Variants in LIPA observed in about 807,000 individuals in gnomAD.
LIPA encodes the protein lipase A, lysosomal acid type.
A neutral mutation model predicts 40.6 loss-of-function variants in LIPA; 26 were observed. That is an observed-to-expected ratio of 0.64 (90% CI 0.47 to 0.89). LIPA has a LOEUF of 0.89. Among genes scored for constraint, LIPA ranks in the 40% least tolerant of loss-of-function variants. The pLI, the probability that LIPA is intolerant of heterozygous loss-of-function variation, is 0.00. For missense variants in LIPA, 455 were observed against 479.6 expected, an observed-to-expected ratio of 0.95 and a Z score of 0.48; for synonymous variants, 188 against 168.4, an observed-to-expected ratio of 1.12 and a Z score of -0.90.
At chr10:89,373,332 C>A in intron 2 of LIPA, among the ~76,000 whole-genome samples, 1 of 92,942 alleles carries the variant, frequency 1.1e-5, no homozygotes. Flanking sequence ...GAGACTCCCT[C>A]TCAAAAAAAA....
At chr10:89,267,771 A>G (rs1385174641) in intron 1 of LIPA, among the ~76,000 whole-genome samples, 2 of 150,906 alleles carry the variant, frequency 1.3e-5, no homozygotes, top group Admixed American at 6.6e-5. Flanking sequence ...AAAGAAAGAA[A>G]TAATTACTCT....
At chr10:89,386,099 GCA>G (rs1449284207) in intron 2 of LIPA, among the ~76,000 whole-genome samples, 1 of 152,166 alleles carries the variant, frequency 6.6e-6, no homozygotes, top group Non-Finnish European at 1.5e-5. Flanking sequence ...CTATTTACAA[GCA>G]CAGTCATAGC....
At chr10:89,378,092 C>T in intron 2 of LIPA, 7 of 1,612,334 alleles carry the variant, frequency 4.3e-6, no homozygotes, top group South Asian at 1.1e-5. Flanking sequence ...AGCCTCCAAG[C>T]CTGAACCAAA....
chr10:89,237,481 AAAGGACGTTTATTAGT>A (rs1323748118), intron 3 of LIPA, among the ~76,000 whole-genome samples: 2 of 152,106 alleles, frequency 1.3e-5, no homozygotes, highest in African/African-American at 4.8e-5. Context: ...TATATCCCAC[AAAGGACGTTTATTAGT>A]AAGGAAGAGA....
intron 2 of LIPA, among the ~76,000 whole-genome samples, chr10:89,407,360 T>C (rs11203111): frequency 0.036 from 5,476 of 152,288 alleles, 147 homozygotes; most frequent in South Asian, 0.13. Context: ...CTGGTGCTTT[T>C]CTAGTTTCCC....
chr10:89,385,913 A>G (rs546185024), intron 2 of LIPA, among the ~76,000 whole-genome samples: 5 of 152,382 alleles, frequency 3.3e-5, no homozygotes, highest in Non-Finnish European at 5.9e-5. Context: ...ATATTCAAAA[A>G]CAAGTGTATT....
intron 1 of LIPA, among the ~76,000 whole-genome samples, chr10:89,271,479 T>A (rs1843265434): frequency 6.6e-6 from 1 of 152,198 alleles, no homozygotes; most frequent in Non-Finnish European, 1.5e-5. Context: ...AAAAAGGTGA[T>A]TATTGTTCTG....
intron 1 of LIPA, among the ~76,000 whole-genome samples, chr10:89,272,750 C>T (rs1843271914): frequency 6.6e-6 from 1 of 152,188 alleles, no homozygotes; most frequent in African/African-American, 2.4e-5. Context: ...ACAACCTCGC[C>T]AGCATCTATT....
intron 1 of LIPA, among the ~76,000 whole-genome samples, chr10:89,272,989 C>T (rs1843273394): frequency 6.6e-6 from 1 of 152,022 alleles, no homozygotes; most frequent in African/African-American, 2.4e-5. Context: ...GATATTAGAC[C>T]TTTGTCAGCT....
rs867209510 is a variant in LIPA at position 89,339,451 on chromosome 10, C to T, written c.-2+3160G>A. The T allele has an allele frequency of 4.7e-5, 76 of 1,614,020 alleles. No homozygotes were observed. The highest frequency in any genetic ancestry group is 2.0e-4 in the Admixed American group (12 of 60,004). ...AGACAAAGCTATTGAACTGTTTCAA[C>T]GGGTGTTGGAATCCACACCAAACAA... On this transcript the variant is annotated intron_variant, in intron 1 of 5. Coordinates refer to the LIPA transcript ENST00000282673.
At chr10:89,383,407 A>T in intron 2 of LIPA, 1 of 1,614,240 alleles carries the variant, frequency 6.2e-7, no homozygotes, top group Non-Finnish European at 8.5e-7. Context: ...AGCCCCTGAA[A>T]TTCCTGATTT....
chr10:89,268,907 A>G (rs1385116295), intron 1 of LIPA, among the ~76,000 whole-genome samples: 1 of 151,012 alleles, frequency 6.6e-6, no homozygotes, highest in Non-Finnish European at 1.5e-5. Context: ...AATGGTGTGA[A>G]CCTGGGAGGC....
At chr10:89,310,405 A>G (rs1219812337) in intron 1 of LIPA, among the ~76,000 whole-genome samples, 1 of 152,186 alleles carries the variant, frequency 6.6e-6, no homozygotes, top group Non-Finnish European at 1.5e-5. Flanking sequence ...ATTATAACAC[A>G]GATAGGCCTT....
rs117450967 is a variant in LIPA, at chr10:89,286,008, C to T, written c.-1-38359G>A. On this transcript the variant is annotated intron_variant, in intron 1 of 5. Transcript: ENST00000282673. ...CACACCCGACTTAAAACCCAAATGCCTTATTTTCTTCTGCAATGCCACTTA... is the reference window on the plus strand; with the variant it reads ...CACACCCGACTTAAAACCCAAATGCTTTATTTTCTTCTGCAATGCCACTTA... 1.5e-3 allele frequency among the ~76,000 whole-genome samples: 229 copies of T among 152,166 alleles called. 2 individuals are homozygous for T. The East Asian group carries it at 0.022, about 15-fold the overall frequency.
At chr10:89,290,771 G>A (rs747191025) in intron 1 of LIPA, among the ~76,000 whole-genome samples, 23 of 152,020 alleles carry the variant, frequency 1.5e-4, no homozygotes, top group Non-Finnish European at 2.8e-4. Flanking sequence ...CTTATAAAAC[G>A]GCCCCGGCCC....
chr10:89,403,902 A>G (rs1844485736), intron 2 of LIPA: 1 of 505,618 alleles, frequency 2.0e-6, no homozygotes. Flanking sequence ...GCATGTAAGA[A>G]AGAGAAATCA....
chr10:89,224,973 G>T, intron 6 of LIPA, 119 bp downstream of exon 6: 1 of 1,289,498 alleles, frequency 7.8e-7, no homozygotes, highest in Non-Finnish European at 1.1e-6. Flanking sequence ...AAAGCCCACT[G>T]CTCCACTGAT....
At chr10:89,344,410 G>A (rs1289979033), upstream of LIPA, among the ~76,000 whole-genome samples, 1 of 152,118 alleles carries the variant, frequency 6.6e-6, no homozygotes, top group Non-Finnish European at 1.5e-5. Context: ...TTGTATCATA[G>A]AACTCACATA....
intron 1 of LIPA, chr10:89,293,804 A>G (rs1843392571): frequency 6.6e-6 from 1 of 152,082 alleles, no homozygotes; most frequent in African/African-American, 2.4e-5. Flanking sequence ...CCCCACCCTT[A>G]AGACCTCATT....
Sources: gnomAD v4.1 joint callset for allele counts (sites outside exome capture counted in the v4.1 genomes callset) on GRCh38, gnomAD v4.1.1 for gene constraint, MANE v1.5 for transcripts, NCBI Gene and HGNC (gene_info 2026-07-23, HGNC 2026-07-21) for gene names.